RALGAPA2: variants seen among roughly 807,000 people sequenced by gnomAD.
The protein encoded by RALGAPA2 is ral GTPase-activating protein subunit alpha-2.
RALGAPA2 carries 139 observed loss-of-function variants against 230.4 expected under a neutral mutation model. That is an observed-to-expected ratio of 0.60 (90% CI 0.53 to 0.69). RALGAPA2 has a LOEUF of 0.69. RALGAPA2 is among the 30% of genes least tolerant of loss of function. RALGAPA2 has a pLI of 0.00. For missense variants in RALGAPA2, 2,163 were observed against 2,276.0 expected (o/e 0.95, Z 1.01); for synonymous variants, 847 against 837.8 (o/e 1.01, Z -0.19).
rs772089136 is a variant in RALGAPA2, at chr20:20,465,197, A to ACACACACT, written c.5495+7631_5495+7632insAGTGTGTG. 1.4e-3 allele frequency among the ~76,000 whole-genome samples: 210 copies of ACACACACT among 147,392 alleles called. 1 individual carries two copies. Among genetic ancestry groups the ACACACACT allele is most frequent in the South Asian group, 5.0e-3 (23 of 4,600 alleles). On this transcript the variant is annotated intron_variant, in intron 37 of 39. Transcript: ENST00000202677. ...CACACACACACACACACACACACAC[A>ACACACACT]CTCTCTCATACTAGGGGACAGCAGC...
At chr20:20,547,212 C>T (rs1602736377) in intron 23 of RALGAPA2, among the ~76,000 whole-genome samples, 1 of 152,184 alleles carries the variant, frequency 6.6e-6, no homozygotes, top group South Asian at 2.1e-4. Flanking sequence ...TTTCAATTGG[C>T]CACAGTTAAA....
chr20:20,683,270 G>T (rs749682535), intron 1 of RALGAPA2, among the ~76,000 whole-genome samples: 1 of 152,090 alleles, frequency 6.6e-6, no homozygotes, highest in Non-Finnish European at 1.5e-5. Flanking sequence ...CCATTGCCTG[G>T]GTTCCCTGCT....
chr20:20,585,581 G>C (rs1018617053), intron 18 of RALGAPA2, among the ~76,000 whole-genome samples: 1 of 152,254 alleles, frequency 6.6e-6, no homozygotes, highest in Non-Finnish European at 1.5e-5. Flanking sequence ...GCCTCTGAAG[G>C]GGATGCAGAA....
chr20:20,693,408 T>C (rs1338014500), intron 1 of RALGAPA2, among the ~76,000 whole-genome samples: 1 of 152,194 alleles, frequency 6.6e-6, no homozygotes, highest in Non-Finnish European at 1.5e-5. Context: ...AGGAATCAAG[T>C]TTCATTAGAC....
At chr20:20,539,841 C>T (rs1373165530) in intron 24 of RALGAPA2, among the ~76,000 whole-genome samples, 1 of 152,150 alleles carries the variant, frequency 6.6e-6, no homozygotes, top group Non-Finnish European at 1.5e-5. Flanking sequence ...TTTTAGATTC[C>T]ACATATAAGT....
Position 20,389,844 on chromosome 20 carries a change from A to G in RALGAPA2, c.*3445T>C, listed in dbSNP as rs1312048686. On this transcript the variant is annotated 3_prime_UTR_variant, in exon 40 of 40. Transcript: ENST00000202677. ...GGAGCATTAGGAAAATTAAATAACA[A>G]GAGACAGCAAAATAAGAATCAAATG... The G allele has an allele frequency of 6.6e-6, 1 of 152,154 alleles. No individual in the cohort carries two copies. Among genetic ancestry groups the G allele is most frequent in the East Asian group, 1.9e-4 (1 of 5,196 alleles). The allele number at this position is 152,154 out of a possible 1,614,324, so 9.4% of individuals were successfully genotyped here.
chr20:20,462,318 C>T (rs6082006), intron 37 of RALGAPA2, among the ~76,000 whole-genome samples: 3,028 of 152,262 alleles, frequency 0.02, 38 homozygotes, highest in South Asian at 0.027. Flanking sequence ...AGCAGCTGTG[C>T]ACTTCTCAAG....
chr20:20,671,747 T>C (rs2068142283), intron 3 of RALGAPA2, among the ~76,000 whole-genome samples: 1 of 152,212 alleles, frequency 6.6e-6, no homozygotes, highest in Non-Finnish European at 1.5e-5. Flanking sequence ...CTCCCTAGTC[T>C]AGAATTTAAG....
intron 3 of RALGAPA2, among the ~76,000 whole-genome samples, chr20:20,670,808 G>A (rs1441171990): frequency 1.3e-5 from 2 of 151,928 alleles, no homozygotes; most frequent in African/African-American, 2.4e-5. Flanking sequence ...AATTAGCCGG[G>A]CACGGTGGCA....
chr20:20,396,820 A>C, intron 38 of RALGAPA2, 86 bp from the exon 39 acceptor site: 3 of 1,152,314 alleles, frequency 2.6e-6, no homozygotes, highest in Non-Finnish European at 3.9e-6. Flanking sequence ...TGCTAATAAT[A>C]CATTTATCCC....
intron 26 of RALGAPA2, among the ~76,000 whole-genome samples, chr20:20,533,505 A>T (rs2063421004): frequency 6.6e-6 from 1 of 152,206 alleles, no homozygotes; most frequent in Non-Finnish European, 1.5e-5. Context: ...GCAAAATTTG[A>T]CAGTATATAA....
At chr20:20,598,816 T>G in intron 16 of RALGAPA2, 1 of 456,274 alleles carries the variant, frequency 2.2e-6, no homozygotes, top group South Asian at 1.6e-5. Flanking sequence ...CTGGCTTCGC[T>G]TAGCTTCCAG....
chr20:20,566,130 C>T (rs537079060), intron 23 of RALGAPA2, among the ~76,000 whole-genome samples: 5 of 152,292 alleles, frequency 3.3e-5, no homozygotes, highest in African/African-American at 1.2e-4. Flanking sequence ...CCCAGATCCC[C>T]CTGTGCTGCT....
At chr20:20,496,701 G>T (rs957069260) in intron 35 of RALGAPA2, among the ~76,000 whole-genome samples, 1 of 152,150 alleles carries the variant, frequency 6.6e-6, no homozygotes, top group East Asian at 1.9e-4. Context: ...TATTTAAAAC[G>T]TGTTAGCATA....
At chr20:20,457,068 A>G (rs1426249422) in intron 37 of RALGAPA2, among the ~76,000 whole-genome samples, 1 of 152,168 alleles carries the variant, frequency 6.6e-6, no homozygotes, top group Non-Finnish European at 1.5e-5. Flanking sequence ...TTTATCTCCA[A>G]TGATGAACTC....
At chr20:20,681,167 T>G (rs1444791304) in intron 1 of RALGAPA2, among the ~76,000 whole-genome samples, 1 of 152,154 alleles carries the variant, frequency 6.6e-6, no homozygotes, top group Non-Finnish European at 1.5e-5. Context: ...AGGCAGTTTT[T>G]GACACAGGCC....
intron 14 of RALGAPA2, among the ~76,000 whole-genome samples, chr20:20,606,297 T>C (rs2065818423): frequency 6.6e-6 from 1 of 152,116 alleles, no homozygotes; most frequent in African/African-American, 2.4e-5. Flanking sequence ...TTTGGCTCCA[T>C]TCCCATGGCT....
At chr20:20,439,143 C>T (rs566952061) in intron 37 of RALGAPA2, among the ~76,000 whole-genome samples, 8 of 152,286 alleles carry the variant, frequency 5.3e-5, no homozygotes, top group South Asian at 4.2e-4. Flanking sequence ...TTACTAAGTG[C>T]CCTGACTGCC....
At chr20:20,591,345 CA>C in intron 16 of RALGAPA2, 31 bp from the exon 17 acceptor site, 2 of 1,595,980 alleles carry the variant, frequency 1.3e-6, no homozygotes, top group Non-Finnish European at 1.7e-6. Flanking sequence ...TGCAAAGTTA[CA>C]GTTCAAGTTT....
Sources: allele counts gnomAD v4.1 joint callset (sites outside exome capture counted in the v4.1 genomes callset), GRCh38; gene constraint gnomAD v4.1.1; transcripts MANE v1.5; gene names NCBI Gene and HGNC (gene_info 2026-07-23, HGNC 2026-07-21).